Variants in NDUFS4 observed in about 807,000 individuals in gnomAD.
The protein encoded by NDUFS4 is NADH dehydrogenase [ubiquinone] iron-sulfur protein 4, mitochondrial.
In NDUFS4, 28 loss-of-function variants were observed where a neutral mutation model predicts 24.3. The observed-to-expected ratio is 1.15, with a 90% CI of 0.85 to 1.58. The LOEUF (loss-of-function observed/expected upper bound fraction) is 1.58, where lower values mean the gene tolerates loss of function less well. Ranked by LOEUF, NDUFS4 falls within the 40% of genes most tolerant of loss-of-function variation. The probability of loss-of-function intolerance (pLI) is 0.00; values close to 1 mark genes in which losing one functional copy is unlikely to be tolerated. For synonymous variants in NDUFS4, 93 were observed against 69.7 expected, an observed-to-expected ratio of 1.34 and a Z score of -1.67; for missense variants, 223 against 207.9, an observed-to-expected ratio of 1.07 and a Z score of -0.45.
intron 4 of NDUFS4, among the ~76,000 whole-genome samples, chr5:53,673,130 C>T (rs1427542342): frequency 2.0e-5 from 3 of 152,092 alleles, no homozygotes; most frequent in Non-Finnish European, 4.4e-5. Context: ...CAGGAACTTA[C>T]CATATAGCAT....
intron 2 of NDUFS4, among the ~76,000 whole-genome samples, chr5:53,623,020 T>G (rs1751100681): frequency 6.6e-6 from 1 of 152,248 alleles, no homozygotes; most frequent in Admixed American, 6.5e-5. Context: ...TTATCCATCC[T>G]TCTGTCGTCG....
intron 3 of NDUFS4, among the ~76,000 whole-genome samples, chr5:53,647,955 GAAA>G (rs1218331225): frequency 6.6e-6 from 1 of 151,942 alleles, no homozygotes; most frequent in African/African-American, 2.4e-5. Context: ...ATTAAAATGA[GAAA>G]AAAGTCAAAC....
At chr5:53,560,961 G>T (rs1207648479) in intron 1 of NDUFS4, among the ~76,000 whole-genome samples, 1 of 152,194 alleles carries the variant, frequency 6.6e-6, no homozygotes, top group East Asian at 1.9e-4. Flanking sequence ...CGAGGCCGGG[G>T]AGGAGGACCT....
intron 2 of NDUFS4, among the ~76,000 whole-genome samples, chr5:53,633,437 GA>G (rs1295035162): frequency 6.6e-6 from 1 of 152,130 alleles, no homozygotes; most frequent in Non-Finnish European, 1.5e-5. Context: ...CATTGAGGAA[GA>G]TAAAGGATCA....
intron 1 of NDUFS4, among the ~76,000 whole-genome samples, chr5:53,576,623 G>C (rs937391988): frequency 1.0e-4 from 15 of 148,278 alleles, no homozygotes; most frequent in African/African-American, 3.5e-4. Context: ...ACACACTAAG[G>C]GTTTACAAAA....
chr5:53,586,882 G>A (rs181091234), intron 1 of NDUFS4, among the ~76,000 whole-genome samples: 2 of 151,954 alleles, frequency 1.3e-5, no homozygotes, highest in African/African-American at 4.8e-5. Flanking sequence ...GGAGTGCATT[G>A]GCACAATATC....
chr5:53,678,999 G>C (rs1740566974), intron 4 of NDUFS4, among the ~76,000 whole-genome samples: 1 of 152,104 alleles, frequency 6.6e-6, no homozygotes, highest in Non-Finnish European at 1.5e-5. Flanking sequence ...AATGTGATCA[G>C]ATTCTTAACA....
At chr5:53,643,603 C>G (rs991076058) in intron 2 of NDUFS4, among the ~76,000 whole-genome samples, 1 of 152,076 alleles carries the variant, frequency 6.6e-6, no homozygotes, top group African/African-American at 2.4e-5. Context: ...ACAGGTTCTT[C>G]TGTCACTAGC....
chr5:53,628,997 C>A (rs13170415), intron 2 of NDUFS4, among the ~76,000 whole-genome samples: 8,638 of 152,228 alleles, frequency 0.057, 305 homozygotes, highest in Non-Finnish European at 0.079. Context: ...CTCTTTCCTG[C>A]TTTCTCTTGT....
intron 2 of NDUFS4, among the ~76,000 whole-genome samples, chr5:53,610,938 T>C (rs17305186): frequency 0.16 from 25,087 of 152,178 alleles, 2,303 homozygotes; most frequent in Non-Finnish European, 0.21. Flanking sequence ...GTCATACTTA[T>C]GTGGATTTCA....
At chr5:53,649,684 G>A (rs1244863057) in intron 3 of NDUFS4, among the ~76,000 whole-genome samples, 7 of 151,920 alleles carry the variant, frequency 4.6e-5, no homozygotes, top group Non-Finnish European at 1.5e-5. Context: ...TTTTTCTTTG[G>A]GTAGATACCA....
At chr5:53,578,334 T>C (rs1001053319) in intron 1 of NDUFS4, among the ~76,000 whole-genome samples, 3 of 152,314 alleles carry the variant, frequency 2.0e-5, no homozygotes, top group African/African-American at 4.8e-5. Context: ...CAAATTCTTA[T>C]TGTGGCCAAC....
chr5:53,613,773 A>T (rs1264065008), intron 2 of NDUFS4, among the ~76,000 whole-genome samples: 1 of 151,460 alleles, frequency 6.6e-6, no homozygotes, highest in Non-Finnish European at 1.5e-5. Context: ...TTCATAGTGA[A>T]ATGGTCATTC....
At chr5:53,665,989 T>C (rs1561396816) in intron 4 of NDUFS4, among the ~76,000 whole-genome samples, 1 of 152,188 alleles carries the variant, frequency 6.6e-6, no homozygotes, top group Non-Finnish European at 1.5e-5. Context: ...TTAATAGACC[T>C]TTAAAAACTT....
chr5:53,619,225 C>A (rs57496513), intron 2 of NDUFS4, among the ~76,000 whole-genome samples: 1 of 150,744 alleles, frequency 6.6e-6, no homozygotes, highest in East Asian at 1.9e-4. Flanking sequence ...AATCCCAGCA[C>A]TTTGGGAGGC....
At chr5:53,601,803 G>A (rs1023918997) in intron 1 of NDUFS4, among the ~76,000 whole-genome samples, 2 of 152,190 alleles carry the variant, frequency 1.3e-5, no homozygotes, top group African/African-American at 2.4e-5. Context: ...TAGGATACCT[G>A]CGTTAGTCAG....
At chr5:53,615,346 A>G (rs977207643) in intron 2 of NDUFS4, among the ~76,000 whole-genome samples, 2 of 151,970 alleles carry the variant, frequency 1.3e-5, no homozygotes, top group African/African-American at 2.4e-5. Context: ...TTTGGTGACA[A>G]TTATATTTTC....
chr5:53,601,833 T>A (rs1750334781), intron 1 of NDUFS4, among the ~76,000 whole-genome samples: 2 of 152,220 alleles, frequency 1.3e-5, no homozygotes, highest in Admixed American at 6.5e-5. Context: ...GCCATCTTGG[T>A]GATAAGATTG....
chr5:53,672,238 A>AC (rs1037792985), intron 4 of NDUFS4, among the ~76,000 whole-genome samples: 3 of 152,082 alleles, frequency 2.0e-5, no homozygotes, highest in African/African-American at 7.2e-5. Context: ...ACAAAACAAA[A>AC]AAAAAAACTT....
Sources: allele counts gnomAD v4.1 joint callset (sites outside exome capture counted in the v4.1 genomes callset), GRCh38; gene constraint gnomAD v4.1.1; transcripts MANE v1.5; gene names NCBI Gene and HGNC (gene_info 2026-07-23, HGNC 2026-07-21).